The following ERC1 variants were observed in gnomAD, a reference collection of about 807,000 sequenced individuals.
ERC1 encodes the protein ELKS/RAB6-interacting/CAST family member 1.
A neutral mutation model predicts 132.0 loss-of-function variants in ERC1; 56 were observed. That is an observed-to-expected ratio of 0.42 (90% confidence interval 0.34 to 0.53). The LOEUF (loss-of-function observed/expected upper bound fraction) is 0.53. ERC1 is among the 20% of genes least tolerant of loss of function. The pLI, the probability that ERC1 is intolerant of heterozygous loss-of-function variation, is 0.03. For missense variants in ERC1, 1,202 were observed against 1,349.9 expected (o/e 0.89, Z 1.72); for synonymous variants, 478 against 476.1 (o/e 1.00, Z -0.05).
intron 8 of ERC1, among the ~76,000 whole-genome samples, chr12:1,176,889 G>T (rs150786166): frequency 6.6e-5 from 10 of 152,208 alleles, no homozygotes; most frequent in Non-Finnish European, 1.3e-4. Context: ...CATTACTTTT[G>T]CACCAACCAA....
intron 18 of ERC1, among the ~76,000 whole-genome samples, chr12:1,473,064 T>C (rs2093895647): frequency 6.6e-6 from 1 of 152,164 alleles, no homozygotes; most frequent in Non-Finnish European, 1.5e-5. Context: ...CTCACTCTGT[T>C]GCCCAGGCTG....
chr12:1,427,518 T>G (rs945718873), intron 17 of ERC1, among the ~76,000 whole-genome samples: 2 of 152,208 alleles, frequency 1.3e-5, no homozygotes, highest in Non-Finnish European at 1.5e-5. Context: ...CGTATTTTCT[T>G]TTTTTTAATA....
chr12:1,141,411 A>G (rs968347254), intron 7 of ERC1, among the ~76,000 whole-genome samples: 2 of 152,224 alleles, frequency 1.3e-5, no homozygotes, highest in African/African-American at 4.8e-5. Flanking sequence ...TCTGATGTGC[A>G]TGAAGTTTGA....
At chr12:1,444,827 C>T in intron 18 of ERC1, 77 bp downstream of exon 18, 1 of 1,351,536 alleles carries the variant, frequency 7.4e-7, no homozygotes, top group Non-Finnish European at 1.0e-6. Context: ...TGGGGGCTAC[C>T]TTGGGGAATC....
chr12:1,149,505 C>G (rs1459089570), intron 8 of ERC1, among the ~76,000 whole-genome samples: 2 of 152,108 alleles, frequency 1.3e-5, no homozygotes, highest in African/African-American at 4.8e-5. Flanking sequence ...CTCAAGCAGT[C>G]CTCCTACCTC....
intron 3 of ERC1, 115 bp from the exon 4 acceptor site, chr12:1,104,635 G>A (rs1281946607): frequency 1.4e-6 from 1 of 727,576 alleles, no homozygotes; most frequent in African/African-American, 1.7e-5. Context: ...CACAGAAGGG[G>A]TCATTGTCTC....
At chr12:1,011,484 G>T (rs1964678819) in intron 1 of ERC1, among the ~76,000 whole-genome samples, 1 of 152,198 alleles carries the variant, frequency 6.6e-6, no homozygotes, top group South Asian at 2.1e-4. Flanking sequence ...AGGATTACAG[G>T]TGTGAGCCAC....
At chr12:1,426,011 A>C (rs2092624372) in intron 17 of ERC1, among the ~76,000 whole-genome samples, 1 of 152,206 alleles carries the variant, frequency 6.6e-6, no homozygotes, top group Non-Finnish European at 1.5e-5. Flanking sequence ...CATACAATTA[A>C]TAGCTGTTGT....
chr12:1,229,758 T>C (rs138633320), intron 12 of ERC1, among the ~76,000 whole-genome samples: 1,774 of 152,254 alleles, frequency 0.012, 39 homozygotes, highest in African/African-American at 0.039. Context: ...ACAACTATTA[T>C]GTTGATTTTT....
chr12:1,015,357 C>T (rs1007610925), intron 1 of ERC1, among the ~76,000 whole-genome samples: 4 of 152,096 alleles, frequency 2.6e-5, no homozygotes, highest in Non-Finnish European at 4.4e-5. Context: ...CCATGCCTGG[C>T]CATTGTTTTT....
At chr12:1,139,951 A>T (rs1458257536) in intron 7 of ERC1, among the ~76,000 whole-genome samples, 1 of 152,200 alleles carries the variant, frequency 6.6e-6, no homozygotes, top group Admixed American at 6.5e-5. Context: ...GATTATAATT[A>T]GGTTAACTAT....
At chr12:1,100,863 AG>A (rs1182000458) in intron 3 of ERC1, among the ~76,000 whole-genome samples, 1 of 152,204 alleles carries the variant, frequency 6.6e-6, no homozygotes, top group Non-Finnish European at 1.5e-5. Flanking sequence ...GTAAATACCA[AG>A]GGAATGAGTA....
chr12:1,440,431 C>A (rs111988542), intron 17 of ERC1, among the ~76,000 whole-genome samples: 2 of 146,218 alleles, frequency 1.4e-5, no homozygotes, highest in East Asian at 3.9e-4. Context: ...TGGTCTCGAT[C>A]TCCTGACCTC....
At chr12:1,362,822 T>C (rs980279162) in intron 15 of ERC1, among the ~76,000 whole-genome samples, 1 of 152,186 alleles carries the variant, frequency 6.6e-6, no homozygotes. Context: ...GTGTGCTTAA[T>C]GCCACAGAAA....
intron 18 of ERC1, among the ~76,000 whole-genome samples, chr12:1,487,561 A>T (rs1437186540): frequency 6.6e-6 from 1 of 151,434 alleles, no homozygotes; most frequent in East Asian, 1.9e-4. Flanking sequence ...AGAAAAGAGA[A>T]ATACAAAAAT....
intron 7 of ERC1, 118 bp from the exon 8 acceptor site, chr12:1,141,502 A>T: frequency 1.4e-6 from 1 of 710,056 alleles, no homozygotes; most frequent in Non-Finnish European, 2.1e-6. Flanking sequence ...TGTAGATAAT[A>T]CTACTTTTAT....
At chr12:1,001,922 G>A (rs1462714716) in intron 1 of ERC1, among the ~76,000 whole-genome samples, 29 of 143,788 alleles carry the variant, frequency 2.0e-4, no homozygotes, top group African/African-American at 4.7e-4. Flanking sequence ...GTGCAGTGGC[G>A]CAATCTCTGC....
chr12:1,393,611 T>TAC (rs2090177716), intron 16 of ERC1, among the ~76,000 whole-genome samples: 1 of 11,922 alleles, frequency 8.4e-5, no homozygotes, highest in Non-Finnish European at 2.1e-4. Context: ...AACACACGTG[T>TAC]GTGTGTGTGT....
At chr12:1,043,794 A>G (rs1234319233) in intron 2 of ERC1, among the ~76,000 whole-genome samples, 4 of 151,700 alleles carry the variant, frequency 2.6e-5, no homozygotes, top group East Asian at 2.0e-4. Flanking sequence ...AACTTTACCT[A>G]GAACTTTTGC....
Sources: allele counts gnomAD v4.1 joint callset (sites outside exome capture counted in the v4.1 genomes callset), GRCh38; gene constraint gnomAD v4.1.1; transcripts MANE v1.5; gene names NCBI Gene and HGNC (gene_info 2026-07-23, HGNC 2026-07-21).